MYO15A: variants seen among roughly 807,000 people sequenced by gnomAD.
MYO15A encodes myosin XVA.
Under a neutral mutation model 394.6 loss-of-function variants are expected in MYO15A, and 308 were observed. The ratio of observed to expected loss-of-function variants is 0.78; its 90% confidence interval spans 0.71 to 0.86. The LOEUF (loss-of-function observed/expected upper bound fraction) is 0.86, where lower values mean the gene tolerates loss of function less well. Among genes scored for constraint, MYO15A ranks in the 40% least tolerant of loss-of-function variants. MYO15A has a pLI of 0.00. For missense variants in MYO15A, 4,606 were observed against 4,799.1 expected (o/e 0.96, Z 1.19); for synonymous variants, 1,957 against 2,003.8 (o/e 0.98, Z 0.62).
chr17:18,116,384 A>G (rs1401407252), intron 1 of MYO15A, among the ~76,000 whole-genome samples: 2 of 152,234 alleles, frequency 1.3e-5, no homozygotes, highest in African/African-American at 4.8e-5. Flanking sequence ...CTAGTAAGGG[A>G]GGTAGCTCTG....
chr17:18,124,516 T>C lies in MYO15A; in HGVS notation c.3643T>C (p.Phe1215Leu). 1 of 1,613,056 alleles carries C rather than the reference T, an allele frequency of 6.2e-7. No homozygotes were observed. The highest frequency in any genetic ancestry group is 8.5e-7 in the Non-Finnish European group (1 of 1,179,982). Reference sequence around the variant, plus strand: ...CATCCGCAACCTGCCATCCATGCGGTTCCGTGAGCAGCACGGGGAGGATGG... The same window carrying C: ...CATCCGCAACCTGCCATCCATGCGGCTCCGTGAGCAGCACGGGGAGGATGG... ...HSIRNLPSMR[F>L]REQHGEDGVE... The change falls in exon 3 of 66, where the codon TTC (phenylalanine) becomes CTC (leucine). Residue 1215 changes from phenylalanine to leucine, a missense_variant. Physicochemically the swap from Phe to Leu is conservative, Grantham distance 22. Around this residue, in one of 2 missense-constraint regions of MYO15A, gnomAD observed 2,776 missense variants for 3,109.3 expected, o/e 0.89. Transcript: ENST00000647165.
In MYO15A at chr17:18,172,375, G is replaced by A. The variant is rs145988980; in HGVS notation, c.10350+85G>A. ...CTCCAAGAGGCCAAGACCTCCAGCC[G>A]CCGAAGCCCAGTTCCACTGCTTACC... On this transcript the variant is annotated intron_variant, in intron 64 of 65. Transcript: ENST00000647165. The A allele has an allele frequency of 7.0e-5, 111 of 1,588,426 alleles. No homozygotes were observed. The East Asian group carries it at 9.6e-4, about 14-fold the overall frequency.
At chr17:18,167,261 T>C (rs2046867821) in intron 61 of MYO15A, among the ~76,000 whole-genome samples, 1 of 152,148 alleles carries the variant, frequency 6.6e-6, no homozygotes, top group South Asian at 2.1e-4. Flanking sequence ...AGCCCTCCCG[T>C]GGCTCAGGCA....
intron 28 of MYO15A, 109 bp downstream of exon 28, chr17:18,144,109 G>A: frequency 6.5e-7 from 1 of 1,528,586 alleles, no homozygotes; most frequent in Non-Finnish European, 8.9e-7. Context: ...TGTGGTGTTG[G>A]GTATGAGCCT....
intron 65 of MYO15A, 72 bp downstream of exon 65, chr17:18,173,993 G>T: frequency 6.4e-7 from 1 of 1,556,158 alleles, no homozygotes; most frequent in Admixed American, 1.9e-5. Flanking sequence ...GATAGGTCAG[G>T]TCCCTGCCAT....
At chr17:18,169,157 T>TAATAATAATAA in intron 62 of MYO15A, among the ~76,000 whole-genome samples, 1 of 92,132 alleles carries the variant, frequency 1.1e-5, no homozygotes, top group South Asian at 3.2e-4. Context: ...ATAATAATAA[T>TAATAATAATAA]AAAAATAGGC....
intron 62 of MYO15A, chr17:18,169,764 T>C (rs2046912351): frequency 6.6e-6 from 1 of 152,030 alleles, no homozygotes; most frequent in Non-Finnish European, 1.5e-5. Context: ...TAAATGTCAA[T>C]ATAAATAACT....
intron 11 of MYO15A, 60 bp from the exon 12 acceptor site, chr17:18,133,165 C>T: frequency 4.4e-6 from 7 of 1,577,768 alleles, no homozygotes; most frequent in Middle Eastern, 3.5e-4. Flanking sequence ...CAGAGCAGGA[C>T]CTGGAGGGCT....
chr17:18,163,104 C>T, intron 58 of MYO15A, 140 bp from the exon 59 acceptor site: 2 of 869,914 alleles, frequency 2.3e-6, no homozygotes, highest in East Asian at 2.4e-5. Context: ...CAGACAGGCC[C>T]TGCGCGGTCC....
At chr17:18,130,696 C>A in intron 7 of MYO15A, 109 bp from the exon 8 acceptor site, 1 of 1,588,398 alleles carries the variant, frequency 6.3e-7, no homozygotes, top group South Asian at 1.1e-5. Flanking sequence ...ACTAGTCCCT[C>A]CCTGGTCTGA....
chr17:18,140,671 G>T lies in MYO15A; in HGVS notation c.5360+6G>T, dbSNP rs923472043. The T allele has an allele frequency of 6.2e-7, 1 of 1,613,830 alleles. No homozygotes were observed. The highest frequency in any genetic ancestry group is 8.5e-7 in the Non-Finnish European group (1 of 1,180,024). On this transcript the variant is annotated splice_donor_region_variant and intron_variant, in intron 20 of 65. Coordinates refer to ENST00000647165, the MANE Select transcript of MYO15A (RefSeq NM_016239.4). ...CTGGTGGAAAAGATGGAGAGGTGGG[G>T]TGGGGGGCAGGTGGGCGGAGCACCC... is the stretch of plus-strand genomic sequence containing the variant.
At chr17:18,145,640 G>A (rs924169164) in intron 29 of MYO15A, among the ~76,000 whole-genome samples, 11 of 152,140 alleles carry the variant, frequency 7.2e-5, no homozygotes, top group Admixed American at 2.6e-4. Flanking sequence ...CTTAGGCCCG[G>A]GGAAGTTGAG....
Position 18,122,303 on chromosome 17 carries a change from CACG to C in MYO15A, c.3505_3507del (p.Arg1169del). On this transcript the variant is annotated inframe_deletion, in exon 2 of 66. Coordinates refer to ENST00000647165, the MANE Select transcript of MYO15A (RefSeq NM_016239.4). ...CGGGCAGATGCCTATGGACCCTGGC[CACG>C]AGTACACACCCATCCCCAGTCCTGC... is the stretch of plus-strand genomic sequence containing the variant. 1.2e-6 allele frequency: 2 copies of C among 1,613,058 alleles called. No homozygotes were observed.
At chr17:18,126,071 G>C (rs545030450) in intron 4 of MYO15A, among the ~76,000 whole-genome samples, 1 of 152,354 alleles carries the variant, frequency 6.6e-6, no homozygotes, top group South Asian at 2.1e-4. Flanking sequence ...GCCCAACCTT[G>C]AACAAATGAA....
At chr17:18,159,101 G>A in intron 53 of MYO15A, 104 bp downstream of exon 53, 1 of 1,420,392 alleles carries the variant, frequency 7.0e-7, no homozygotes, top group Non-Finnish European at 9.8e-7. Flanking sequence ...GAGACCCTCT[G>A]ATTCTCAGCA....
chr17:18,159,703 A>T, intron 55 of MYO15A, 24 bp downstream of exon 55: 1 of 1,612,808 alleles, frequency 6.2e-7, no homozygotes, highest in South Asian at 1.1e-5. Context: ...ACTTTGCCAG[A>T]TGCCCCCTTT....
In MYO15A at chr17:18,150,792, G is replaced by T. The variant is rs771191194; in HGVS notation, c.7395+27G>T. 3.2e-6 allele frequency: 5 copies of T among 1,581,986 alleles called. No individual in the cohort carries two copies. In the Admixed American group the frequency reaches 9.0e-5, roughly 28 times the overall value. ...TGAGTGAGGGAGGGACTGCTGGGGG[G>T]TGGAGAATGGACCTGCCTGGTCACC... is the stretch of plus-strand genomic sequence containing the variant. On this transcript the variant is annotated intron_variant, in intron 37 of 65. Transcript: ENST00000647165. The surrounding 1 kb of genome is among the most constrained non-coding windows in gnomAD (Gnocchi z 4.4).
chr17:18,114,292 C>T (rs1290529062), intron 1 of MYO15A, among the ~76,000 whole-genome samples: 2 of 109,030 alleles, frequency 1.8e-5, no homozygotes, highest in African/African-American at 6.3e-5. Context: ...GCTCTTGTTG[C>T]CCAGGCTGGA....
chr17:18,141,184 G>A (rs537676248), intron 22 of MYO15A, 41 bp downstream of exon 22: 4 of 1,611,266 alleles, frequency 2.5e-6, no homozygotes, highest in Non-Finnish European at 3.4e-6. Flanking sequence ...ACAAATCCCT[G>A]CCCAACTCCC....
Sources: gnomAD v4.1 joint callset for allele counts (sites outside exome capture counted in the v4.1 genomes callset) on GRCh38, gnomAD v4.1.1 for gene constraint, gnomAD v4.1.1 regional missense constraint, Gnocchi (gnomAD v3.1) non-coding constraint, MANE v1.5 for transcripts, NCBI Gene and HGNC (gene_info 2026-07-23, HGNC 2026-07-21) for gene names.